Variants in TTF2 observed in about 807,000 individuals in gnomAD.
TTF2 encodes the protein transcription termination factor 2, also known as RNA polymerase II termination factor.
A neutral mutation model predicts 142.4 loss-of-function variants in TTF2; 108 were observed. The ratio of observed to expected loss-of-function variants is 0.76; its 90% CI spans 0.65 to 0.89. TTF2 has a LOEUF of 0.89. TTF2 is among the 40% of genes least tolerant of loss of function. The pLI is 0.00. For missense variants in TTF2, 1,327 were observed against 1,379.8 expected (o/e 0.96, Z 0.61); for synonymous variants, 483 against 506.2 (o/e 0.95, Z 0.61).
intron 10 of TTF2, among the ~76,000 whole-genome samples, chr1:117,082,395 G>A (rs1647601889): frequency 6.6e-6 from 1 of 151,894 alleles, no homozygotes; most frequent in African/African-American, 2.4e-5. Flanking sequence ...TAATTTTTTT[G>A]TAGAGATAGG....
At chr1:117,067,169 G>A (rs1656205751) in intron 3 of TTF2, among the ~76,000 whole-genome samples, 2 of 152,182 alleles carry the variant, frequency 1.3e-5, no homozygotes, top group South Asian at 2.1e-4. Flanking sequence ...AAAAAAGTAT[G>A]TTACATGTAT....
At chr1:117,072,422 C>CTTTTTTTTTTTTTTT (rs34927356) in intron 3 of TTF2, among the ~76,000 whole-genome samples, 1 of 102,046 alleles carries the variant, frequency 9.8e-6, no homozygotes, top group African/African-American at 4.1e-5. Flanking sequence ...AAGATACGGA[C>CTTTTTTTTTTTTTTT]TTTTTTTTTT....
chr1:117,092,941 T>C lies in TTF2; in HGVS notation c.2976+40T>C, dbSNP rs1206597977. The stretch of plus-strand genomic sequence containing the variant: ...CTCTGTAGTAGTCGAGAGACTTCGA[T>C]TCCTCACACATTTTCCTGTGTGACA... On this transcript the variant is annotated intron_variant, in intron 18 of 22. Coordinates refer to ENST00000369466, the MANE Select transcript of TTF2 (RefSeq NM_003594.4). The surrounding 1 kb of genome is among the most constrained non-coding windows in gnomAD (Gnocchi z 4.4). 1 of 1,607,988 alleles carries C rather than the reference T, an allele frequency of 6.2e-7. No individual in the cohort carries two copies.
rs758153110 is a variant in TTF2 at position 117,096,133 on chromosome 1, T to A, written c.3036-16T>A. On this transcript the variant is annotated splice_polypyrimidine_tract_variant and intron_variant, in intron 19 of 22. Coordinates refer to ENST00000369466, the MANE Select transcript of TTF2 (RefSeq NM_003594.4). ...ATCTATGTTAGGGTATTTTTTTATT[T>A]TATTCTTCTTTCCAGTGTCATTGTC... is the stretch of plus-strand genomic sequence containing the variant. 1 of 1,613,848 alleles carries A rather than the reference T, an allele frequency of 6.2e-7. No homozygotes were observed. Among genetic ancestry groups the A allele is most frequent in the East Asian group, 2.2e-5 (1 of 44,876 alleles).
Position 117,075,688 on chromosome 1 carries a change from C to T in TTF2, c.1104C>T (p.Ser368=), listed in dbSNP as rs772487773. 1.2e-6 allele frequency: 2 copies of T among 1,613,650 alleles called. No homozygotes were observed. Among genetic ancestry groups the T allele is most frequent in the African/African-American group, 1.3e-5 (1 of 75,040 alleles). The change falls in exon 5 of 23, where the codon AGC becomes AGT. Residue 368 remains serine (S), a synonymous_variant. Transcript: ENST00000369466. The surrounding 1 kb of genome is among the most constrained non-coding windows in gnomAD (Gnocchi z 4.5). ...DVVFVSSKPG[S]PLLFDSTLDL... is the part of the protein sequence containing the mutation. Reference sequence around the variant, plus strand: ...TTTTTGTTTCCTCTAAGCCTGGGAGCCCCCTACTCTTTGACTCGACTCTGG... The same window carrying T: ...TTTTTGTTTCCTCTAAGCCTGGGAGTCCCCTACTCTTTGACTCGACTCTGG...
chr1:117,075,650 G>A lies in TTF2; in HGVS notation c.1066G>A (p.Glu356Lys). The A allele has an allele frequency of 1.2e-6, 2 of 1,614,172 alleles. No individual in the cohort carries two copies. Among genetic ancestry groups the A allele is most frequent in the Non-Finnish European group, 1.7e-6 (2 of 1,180,028 alleles). The stretch of plus-strand genomic sequence containing the variant: ...TGCCACAAGCAGTGACGACGAGGAG[G>A]AAGATGATGTTGTTTTTGTTTCCTC... ...EAATSSDDEE[E>K]DDVVFVSSKP... The change falls in exon 5 of 23, where the codon GAA becomes AAA. Residue 356 changes from glutamate to lysine, a missense_variant. Transcript: ENST00000369466. The surrounding 1 kb of genome is among the most constrained non-coding windows in gnomAD (Gnocchi z 4.5).
At chr1:117,074,565 T>G (rs980505461) in intron 4 of TTF2, among the ~76,000 whole-genome samples, 1 of 152,070 alleles carries the variant, frequency 6.6e-6, no homozygotes, top group African/African-American at 2.4e-5. Context: ...AGAATAATCC[T>G]AAGTGAATTA....
chr1:117,080,007 T>C lies in TTF2; in HGVS notation c.1783+358T>C, dbSNP rs572639433. 6.2e-3 allele frequency among the ~76,000 whole-genome samples: 918 copies of C among 147,346 alleles called. 7 individuals are homozygous for C. Among genetic ancestry groups the C allele is most frequent in the African/African-American group, 0.022 (883 of 40,266 alleles). ...CACAAACAGCAGTCTATTGCCTCCC[T>C]CTTTTTTTTTTTTTTTTTTGAGATG... On this transcript the variant is annotated intron_variant, in intron 9 of 22. Transcript: ENST00000369466. The surrounding 1 kb of genome is among the most constrained non-coding windows in gnomAD (Gnocchi z 4.3).
At chr1:117,062,993 G>A (rs1655809471) in intron 3 of TTF2, among the ~76,000 whole-genome samples, 1 of 152,142 alleles carries the variant, frequency 6.6e-6, no homozygotes, top group African/African-American at 2.4e-5. Flanking sequence ...TTGCATTAGA[G>A]TACTAAGGCA....
rs1411116045 is a variant in TTF2 at position 117,087,105 on chromosome 1, T to C, written c.2160+583T>C. On this transcript the variant is annotated intron_variant, in intron 12 of 22. Coordinates refer to ENST00000369466, the MANE Select transcript of TTF2 (RefSeq NM_003594.4). The surrounding 1 kb of genome is among the most constrained non-coding windows in gnomAD (Gnocchi z 4.8). The stretch of plus-strand genomic sequence containing the variant: ...AATACAGTATTATCCCAAGAACTCA[T>C]TTTTCTATATGTTATCCTTTTAGCC... 6.6e-6 allele frequency among the ~76,000 whole-genome samples: 1 copy of C among 152,210 alleles called. No individual in the cohort carries two copies. The highest frequency in any genetic ancestry group is 1.5e-5 in the Non-Finnish European group (1 of 68,034).
chr1:117,083,035 G>C (rs1647667238), intron 10 of TTF2, among the ~76,000 whole-genome samples: 1 of 151,996 alleles, frequency 6.6e-6, no homozygotes, highest in African/African-American at 2.4e-5. Flanking sequence ...AAGGTCAGGA[G>C]ACCGAGACCA....
Position 117,075,757 on chromosome 1 carries a change from G to T in TTF2, c.1173G>T (p.Val391=). The part of the protein sequence containing the change: ...KENLQFPDRS[V]QRKVSPASGV... ...ACCTCCAATTCCCTGATCGAAGTGT[G>T]CAAAGAAAGGTGTCTCCTGCCTCAG... The change falls in exon 5 of 23, where the codon GTG becomes GTT. Residue 391 remains valine (V), a synonymous_variant. Transcript: ENST00000369466. The surrounding 1 kb of genome is among the most constrained non-coding windows in gnomAD (Gnocchi z 4.5). The T allele has an allele frequency of 6.2e-7, 1 of 1,614,218 alleles. No homozygotes were observed. The highest frequency in any genetic ancestry group is 2.2e-5 in the East Asian group (1 of 44,884).
chr1:117,082,160 A>T (rs779408407), intron 10 of TTF2: 7 of 620,082 alleles, frequency 1.1e-5, no homozygotes, highest in Non-Finnish European at 1.4e-5. Context: ...CCTATAAACT[A>T]GGCAGAATTT....
chr1:117,076,883 C>G lies in TTF2; in HGVS notation c.1573+60C>G. ...CCACCCCTGTGAGTTACGTGCCACC[C>G]GGTACAGTAGTCACCTCTTATCCAC... On this transcript the variant is annotated intron_variant, in intron 7 of 22. Coordinates refer to ENST00000369466, the MANE Select transcript of TTF2 (RefSeq NM_003594.4). The surrounding 1 kb of genome is among the most constrained non-coding windows in gnomAD (Gnocchi z 4.6). The G allele has an allele frequency of 6.7e-7, 1 of 1,494,932 alleles. No individual in the cohort carries two copies. The highest frequency in any genetic ancestry group is 9.1e-7 in the Non-Finnish European group (1 of 1,104,362). 92.6% of individuals were successfully genotyped at this position (1,494,932 alleles called of 1,614,324 possible).
rs1649962393 is a variant in TTF2 at position 117,106,612 on chromosome 1, G to C, written c.*5088G>C. On this transcript the variant is annotated 3_prime_UTR_variant, in exon 23 of 23. Coordinates refer to ENST00000369466, the MANE Select transcript of TTF2 (RefSeq NM_003594.4). Reference sequence around the variant, plus strand: ...GCATTAGTCAACCCCGTGTGGCTGTGAATCAGCCATGATGCTGAGTGCTAC... The same window carrying C: ...GCATTAGTCAACCCCGTGTGGCTGTCAATCAGCCATGATGCTGAGTGCTAC... 1 of 152,230 alleles carries C rather than the reference G, an allele frequency of 6.6e-6. No homozygotes were observed. Among genetic ancestry groups the C allele is most frequent in the Non-Finnish European group, 1.5e-5 (1 of 68,052 alleles). The allele number at this position is 152,230 out of a possible 1,614,324, so 9.4% of individuals were successfully genotyped here. A position where few individuals can be genotyped will look rare whatever the true frequency, so the allele number is the denominator to read the frequency against.
At position 117,075,705 on chromosome 1, in the gene TTF2, C is replaced by T. The variant is rs759713972; in HGVS notation, c.1121C>T (p.Ser374Leu). The change falls in exon 5 of 23, where the codon TCG becomes TTG. Residue 374 changes from serine (S) to leucine (L), a missense_variant. Coordinates refer to ENST00000369466, the MANE Select transcript of TTF2 (RefSeq NM_003594.4). The surrounding 1 kb of genome is among the most constrained non-coding windows in gnomAD (Gnocchi z 4.5). ...SKPGSPLLFD[S>L]TLDLETKENL... The stretch of plus-strand genomic sequence containing the variant: ...CCTGGGAGCCCCCTACTCTTTGACT[C>T]GACTCTGGACTTAGAGACGAAGGAA... 3.7e-6 allele frequency: 6 copies of T among 1,614,036 alleles called. No homozygotes were observed. Among genetic ancestry groups the T allele is most frequent in the Admixed American group, 1.7e-5 (1 of 60,002 alleles).
rs1397066287 is a variant in TTF2, at chr1:117,076,348, A to C, written c.1390+54A>C. On this transcript the variant is annotated intron_variant, in intron 6 of 22. Transcript: ENST00000369466. This position sits in a 1 kb window ranked among gnomAD's most constrained non-coding sequence, Gnocchi z 4.6. ...GGTTTGCATCGACTTTACAAGAGAC[A>C]TTCGGGAAGCCCTTTTAATAAAGAA... The C allele has an allele frequency of 7.1e-7, 1 of 1,399,506 alleles. No individual in the cohort carries two copies. Among genetic ancestry groups the C allele is most frequent in the Non-Finnish European group, 9.9e-7 (1 of 1,005,454 alleles). 86.7% of individuals were successfully genotyped at this position (1,399,506 alleles called of 1,614,324 possible). A position where few individuals can be genotyped will look rare whatever the true frequency, so the allele number is the denominator to read the frequency against.
chr1:117,091,864 G>C lies in TTF2; in HGVS notation c.2719G>C (p.Asp907His). 1.2e-6 allele frequency: 2 copies of C among 1,613,338 alleles called. No homozygotes were observed. The highest frequency in any genetic ancestry group is 1.7e-6 in the Non-Finnish European group (2 of 1,179,818). Residue 907 changes from aspartate (D) to histidine (H), a missense_variant, in exon 17 of 23, where the codon GAC becomes CAC. Transcript: ENST00000369466. Reference protein sequence around the residue: ...SEEPRHSEAADSPRSSTVHIL... With the variant: ...SEEPRHSEAAHSPRSSTVHIL... ...GGAGCCTAGACACTCGGAGGCAGCA[G>C]ACTCACCGAGATCCAGCACCGTCCA...
chr1:117,075,516 G>C lies in TTF2; in HGVS notation c.932G>C (p.Gly311Ala). ...IQATQKSLPQ[G>A]HFQERPETHS... ...GCCACCCAGAAAAGCCTGCCTCAGG[G>C]GCATTTCCAAGAGCGGCCGGAGACC... is the stretch of plus-strand genomic sequence containing the variant. The change falls in exon 5 of 23, where the codon GGG becomes GCG. Residue 311 changes from glycine to alanine, a missense_variant. Gly to Ala is a moderately conservative substitution (Grantham distance 60). Coordinates refer to ENST00000369466, the MANE Select transcript of TTF2 (RefSeq NM_003594.4). This position sits in a 1 kb window ranked among gnomAD's most constrained non-coding sequence, Gnocchi z 4.5. 1 of 1,614,110 alleles carries C rather than the reference G, an allele frequency of 6.2e-7. No individual in the cohort carries two copies. Among genetic ancestry groups the C allele is most frequent in the Non-Finnish European group, 8.5e-7 (1 of 1,180,004 alleles).
Sources: gnomAD v4.1 joint callset for allele counts (sites outside exome capture counted in the v4.1 genomes callset) on GRCh38, gnomAD v4.1.1 for gene constraint, Gnocchi (gnomAD v3.1) non-coding constraint, MANE v1.5 for transcripts, NCBI Gene and HGNC (gene_info 2026-07-23, HGNC 2026-07-21) for gene names.